Variants in ZC3H12C observed in about 807,000 individuals in gnomAD.
ZC3H12C encodes probable ribonuclease ZC3H12C.
A neutral mutation model predicts 76.3 loss-of-function variants in ZC3H12C; 20 were observed. The ratio of observed to expected loss-of-function variants is 0.26; its 90% CI spans 0.18 to 0.38. The LOEUF is 0.38. ZC3H12C is among the 10% of genes least tolerant of loss of function. The pLI is 1.00. For missense variants in ZC3H12C, 874 were observed against 1,086.5 expected (o/e 0.80, Z 2.75); for synonymous variants, 352 against 399.6 (o/e 0.88, Z 1.42).
At chr11:110,101,537 A>C (rs1314925379) in intron 1 of ZC3H12C, among the ~76,000 whole-genome samples, 1 of 141,782 alleles carries the variant, frequency 7.1e-6, no homozygotes, top group Non-Finnish European at 1.5e-5. Context: ...GGCCCTTGGG[A>C]ATCAATGCTA....
intron 2 of ZC3H12C, among the ~76,000 whole-genome samples, chr11:110,144,286 A>T (rs563373115): frequency 1.3e-5 from 2 of 152,364 alleles, no homozygotes; most frequent in South Asian, 4.1e-4. Flanking sequence ...GACATGAGAA[A>T]GTAAAGACAC....
intron 2 of ZC3H12C, among the ~76,000 whole-genome samples, chr11:110,146,820 C>T (rs1432143044): frequency 6.6e-6 from 1 of 152,136 alleles, no homozygotes; most frequent in Non-Finnish European, 1.5e-5. Context: ...ATCCACATAC[C>T]TTTTCTTTTA....
chr11:110,159,431 G>T lies in ZC3H12C; in HGVS notation c.1089G>T (p.Lys363Asn). ...ACTACAGGGACTTGGCTAATGAGAA[G>T]CCAGAATGGAAGAAGTTCATAGATG... Reference protein sequence around the residue: ...NDNYRDLANEKPEWKKFIDER... With the variant: ...NDNYRDLANENPEWKKFIDER... Residue 363 changes from lysine to asparagine, a missense_variant, in exon 4 of 6, where the codon AAG becomes AAT. By Grantham distance (94) the Lys-to-Asn change is moderately conservative (BLOSUM62 0). Transcript: ENST00000278590. The T allele has an allele frequency of 1.2e-6, 2 of 1,613,768 alleles. No individual in the cohort carries two copies. Among genetic ancestry groups the T allele is most frequent in the Non-Finnish European group, 1.7e-6 (2 of 1,179,828 alleles).
chr11:110,133,648 G>A (rs1861903836), intron 1 of ZC3H12C, among the ~76,000 whole-genome samples: 1 of 152,052 alleles, frequency 6.6e-6, no homozygotes, highest in African/African-American at 2.4e-5. Flanking sequence ...ATATGTGGTA[G>A]TCACTAAATA....
chr11:110,166,502 A>G lies in ZC3H12C; in HGVS notation c.*765A>G, dbSNP rs1012207709. The G allele has an allele frequency of 3.3e-5, 5 of 152,216 alleles. No homozygotes were observed. The highest frequency in any genetic ancestry group is 1.2e-4 in the African/African-American group (5 of 41,460). The allele number at this position is 152,216 out of a possible 1,614,324, so 9.4% of individuals were successfully genotyped here. ...AAAATGTTTCCATTTTTTAAAAATG[A>G]ATAAGGCAAAAGCTGTAACTGTTAC... On this transcript the variant is annotated 3_prime_UTR_variant, in exon 6 of 6. Transcript: ENST00000278590.
chr11:110,137,275 G>GTTAGT lies in ZC3H12C; in HGVS notation c.635_639dup (p.Thr214LeufsTer7). ...AAATAAAAGTGAGGCTGATCAAACG[G>GTTAGT]TTAGTACAATTAACACTATAACACG... On this transcript the variant is annotated frameshift_variant, in exon 2 of 6. Transcript: ENST00000278590. LOFTEE classifies it high-confidence loss of function. 6.2e-7 allele frequency: 1 copy of GTTAGT among 1,613,942 alleles called. No homozygotes were observed. The highest frequency in any genetic ancestry group is 8.5e-7 in the Non-Finnish European group (1 of 1,179,872).
chr11:110,128,852 T>G lies in ZC3H12C; in HGVS notation c.22-7811T>G, dbSNP rs2358193. On this transcript the variant is annotated intron_variant, in intron 1 of 5. Coordinates refer to ENST00000278590, the MANE Select transcript of ZC3H12C (RefSeq NM_033390.2). ...CTTTTCAGGGCTGATATCTTTTTTA[T>G]TCATGAGATTTCAAAAAGAACTATC... Among the ~76,000 whole-genome samples, 3 of 145,042 alleles carry G rather than the reference T, an allele frequency of 2.1e-5. No homozygotes were observed. The South Asian group carries it at 6.6e-4, about 32-fold the overall frequency.
chr11:110,121,475 C>G (rs1211333943), intron 1 of ZC3H12C, among the ~76,000 whole-genome samples: 1 of 152,184 alleles, frequency 6.6e-6, no homozygotes, highest in Admixed American at 6.5e-5. Context: ...GTCCTAAAGG[C>G]TCAGAATTCT....
Position 110,152,945 on chromosome 11 carries a change from G to T in ZC3H12C, c.800G>T (p.Cys267Phe). ...CATGGAAACAAAGAAGTATTTTCCT[G>T]CAGAGGAATAAAATTGGCAGTGGAT... ...MSHGNKEVFS[C>F]RGIKLAVDWF... The change falls in exon 3 of 6, where the codon TGC (cysteine) becomes TTC (phenylalanine). Residue 267 changes from cysteine to phenylalanine, a missense_variant. By Grantham distance (205) the Cys-to-Phe change is radical. Around this residue, in one of 3 missense-constraint regions of ZC3H12C, gnomAD observed 269 missense variants for 424.9 expected, o/e 0.63. Transcript: ENST00000278590. The T allele has an allele frequency of 1.2e-6, 2 of 1,612,618 alleles. No individual in the cohort carries two copies. The highest frequency in any genetic ancestry group is 1.3e-5 in the African/African-American group (1 of 75,030).
intron 3 of ZC3H12C, among the ~76,000 whole-genome samples, chr11:110,157,903 T>C (rs1862406309): frequency 6.6e-6 from 1 of 152,196 alleles, no homozygotes; most frequent in South Asian, 2.1e-4. Flanking sequence ...TTGATGGCTG[T>C]TACACCTGGC....
intron 1 of ZC3H12C, among the ~76,000 whole-genome samples, chr11:110,097,015 T>C (rs1861125484): frequency 1.3e-5 from 2 of 152,208 alleles, no homozygotes. Context: ...TTTCTCAGAC[T>C]ATAGAAATGT....
chr11:110,134,548 A>G lies in ZC3H12C; in HGVS notation c.22-2115A>G, dbSNP rs529895087. Among the ~76,000 whole-genome samples, 37 of 152,314 alleles carry G rather than the reference A, an allele frequency of 2.4e-4. 1 individual carries two copies. The highest frequency in any genetic ancestry group is 3.8e-4 in the Non-Finnish European group (26 of 68,022). On this transcript the variant is annotated intron_variant, in intron 1 of 5. Transcript: ENST00000278590. ...GTGTTAGTATATTACAGTAGTTAAT[A>G]AATCACAGGGTGTAAAAATCTGTTT...
chr11:110,159,316 G>A lies in ZC3H12C; in HGVS notation c.974G>A (p.Arg325Gln), dbSNP rs370069822. The change falls in exon 4 of 6, where the codon CGA (arginine) becomes CAA (glutamine). Residue 325 changes from arginine to glutamine, a missense_variant. Coordinates refer to ENST00000278590, the MANE Select transcript of ZC3H12C (RefSeq NM_033390.2). The stretch of plus-strand genomic sequence containing the variant: ...ATCCTGGTGTTCACGCCATCCCGGC[G>A]AGTCCAGGGGAGGAGAGTGGTGTGC... ...EKILVFTPSR[R>Q]VQGRRVVCYD... is the part of the protein sequence containing the mutation. 1.9e-6 allele frequency: 3 copies of A among 1,613,908 alleles called. No individual in the cohort carries two copies. The highest frequency in any genetic ancestry group is 2.5e-6 in the Non-Finnish European group (3 of 1,179,948).
At chr11:110,105,178 T>G (rs1429465006) in intron 1 of ZC3H12C, among the ~76,000 whole-genome samples, 2 of 152,212 alleles carry the variant, frequency 1.3e-5, no homozygotes, top group Admixed American at 6.5e-5. Flanking sequence ...AGGGAACAGT[T>G]TTCCCATATA....
In ZC3H12C at chr11:110,164,527, A is replaced by G. The variant is rs1862540748; in HGVS notation, c.1442A>G (p.Asp481Gly). The part of the protein sequence containing the change: ...PCSTKADSTS[D>G]VKRGAPKRQS... ...AGCACCAAGGCTGATAGCACTTCTG[A>G]TGTCAAACGAGGTGCTCCAAAGAGG... The change falls in exon 6 of 6, where the codon GAT becomes GGT. Residue 481 changes from aspartate (D) to glycine (G), a missense_variant. Asp to Gly is a moderately conservative substitution (Grantham distance 94). Transcript: ENST00000278590. This position sits in a 1 kb window ranked among gnomAD's most constrained non-coding sequence, Gnocchi z 5.7. 6.2e-7 allele frequency: 1 copy of G among 1,614,006 alleles called. No individual in the cohort carries two copies. The highest frequency in any genetic ancestry group is 2.2e-5 in the East Asian group (1 of 44,884).
intron 3 of ZC3H12C, among the ~76,000 whole-genome samples, chr11:110,153,290 C>T (rs1255533698): frequency 6.6e-6 from 1 of 152,144 alleles, no homozygotes; most frequent in Non-Finnish European, 1.5e-5. Flanking sequence ...CAGGTTCAAG[C>T]ACTTCTCGTG....
chr11:110,117,507 T>A (rs1469386031), intron 1 of ZC3H12C, among the ~76,000 whole-genome samples: 1 of 151,554 alleles, frequency 6.6e-6, no homozygotes, highest in African/African-American at 2.4e-5. Flanking sequence ...TATGAATGCT[T>A]GCTATATGCC....
At chr11:110,134,927 A>G (rs1185921052) in intron 1 of ZC3H12C, among the ~76,000 whole-genome samples, 1 of 152,218 alleles carries the variant, frequency 6.6e-6, no homozygotes, top group Non-Finnish European at 1.5e-5. Flanking sequence ...AGTTAATAAA[A>G]TGTATTTCAT....
At chr11:110,107,677 C>T (rs899988736) in intron 1 of ZC3H12C, among the ~76,000 whole-genome samples, 9 of 152,090 alleles carry the variant, frequency 5.9e-5, no homozygotes, top group Non-Finnish European at 8.8e-5. Flanking sequence ...AGGCGCCCGC[C>T]ACCATACCTG....
Sources: allele counts gnomAD v4.1 joint callset (sites outside exome capture counted in the v4.1 genomes callset), GRCh38; gene constraint gnomAD v4.1.1; regional missense constraint gnomAD v4.1.1; non-coding constraint Gnocchi (gnomAD v3.1); transcripts MANE v1.5; gene names NCBI Gene and HGNC (gene_info 2026-07-23, HGNC 2026-07-21).